Variants in HERC3 observed in about 807,000 individuals in gnomAD.
The protein encoded by HERC3 is probable E3 ubiquitin-protein ligase HERC3.
A neutral mutation model predicts 129.9 loss-of-function variants in HERC3; 58 were observed. The ratio of observed to expected loss-of-function variants is 0.45; its 90% CI spans 0.36 to 0.56. HERC3 has a LOEUF of 0.56. Ranked by LOEUF, HERC3 falls within the 20% of genes least tolerant of loss-of-function variation. The probability of loss-of-function intolerance (pLI) is 0.00; values close to 1 mark genes in which losing one functional copy is unlikely to be tolerated. For synonymous variants in HERC3, 430 were observed against 451.0 expected (o/e 0.95, Z 0.59); for missense variants, 835 against 1,244.2 (o/e 0.67, Z 4.95).
At chr4:88,561,096 G>A in the HERC3 span, among the ~76,000 whole-genome samples, 1 of 151,942 alleles carries the variant, frequency 6.6e-6, no homozygotes, top group Non-Finnish European at 1.5e-5. Flanking sequence ...TGAATTTTAG[G>A]GTTTTGTTTT....
At chr4:88,541,202 C>G in the HERC3 span, among the ~76,000 whole-genome samples, 1 of 152,020 alleles carries the variant, frequency 6.6e-6, no homozygotes, top group Non-Finnish European at 1.5e-5. Context: ...ACCTATCTCA[C>G]GTGCAGAGAC....
chr4:88,623,352 A>T (rs1168658745), intron 3 of HERC3, among the ~76,000 whole-genome samples: 1 of 152,098 alleles, frequency 6.6e-6, no homozygotes, highest in Non-Finnish European at 1.5e-5. Context: ...TGGTTTGATT[A>T]CTCATCCTCT....
the HERC3 span, among the ~76,000 whole-genome samples, chr4:88,584,268 TA>T: frequency 6.6e-6 from 1 of 152,312 alleles, no homozygotes; most frequent in East Asian, 1.9e-4. Context: ...TATTTCCAAA[TA>T]AGTGCACATT....
In HERC3 at chr4:88,655,244, T is replaced by C. The variant is rs1729753825; in HGVS notation, c.848T>C (p.Val283Ala). Residue 283 changes from valine to alanine, a missense_variant, in exon 8 of 26, where the codon GTT (valine) becomes GCT (alanine). Transcript: ENST00000402738. ...QLGHDSMNDE[V>A]NPRRVLELMG... The stretch of plus-strand genomic sequence containing the variant: ...GGACACGACTCCATGAATGATGAGG[T>C]TAACCCTAGAAGAGTTCTAGAGCTG... 1 of 1,613,998 alleles carries C rather than the reference T, an allele frequency of 6.2e-7. No homozygotes were observed. The highest frequency in any genetic ancestry group is 1.1e-5 in the South Asian group (1 of 91,082).
chr4:88,677,090 G>A (rs539440083), intron 18 of HERC3, among the ~76,000 whole-genome samples: 1 of 152,014 alleles, frequency 6.6e-6, no homozygotes, highest in African/African-American at 2.4e-5. Context: ...AGCCGAGATT[G>A]CGCCACTGCA....
At chr4:88,544,803 C>T in the HERC3 span, among the ~76,000 whole-genome samples, 1 of 151,944 alleles carries the variant, frequency 6.6e-6, no homozygotes, top group South Asian at 2.1e-4. Context: ...TCATTCTCAG[C>T]TAACTATCAC....
intron 23 of HERC3, among the ~76,000 whole-genome samples, chr4:88,688,957 A>G (rs927340900): frequency 3.9e-5 from 6 of 152,150 alleles, no homozygotes; most frequent in Non-Finnish European, 1.5e-5. Context: ...GGGGTGGGAA[A>G]GGTGAGAGAA....
At chr4:88,584,474 C>T in the HERC3 span, among the ~76,000 whole-genome samples, 4 of 152,266 alleles carry the variant, frequency 2.6e-5, no homozygotes, top group Non-Finnish European at 4.4e-5. Flanking sequence ...CTACTGCTAC[C>T]GTTTGAATGT....
At chr4:88,675,336 A>G (rs972068101) in intron 16 of HERC3, among the ~76,000 whole-genome samples, 2 of 152,214 alleles carry the variant, frequency 1.3e-5, no homozygotes, top group African/African-American at 4.8e-5. Context: ...CGATTAAATA[A>G]TAACATGATG....
At chr4:88,701,459 T>G (rs906246444) in intron 23 of HERC3, among the ~76,000 whole-genome samples, 1 of 152,196 alleles carries the variant, frequency 6.6e-6, no homozygotes, top group Non-Finnish European at 1.5e-5. Flanking sequence ...TGTAGCTTTA[T>G]GAAGTATTAA....
At chr4:88,649,793 C>A (rs1024043414) in intron 3 of HERC3, 47 bp from the exon 4 acceptor site, 1 of 1,554,884 alleles carries the variant, frequency 6.4e-7, no homozygotes, top group Non-Finnish European at 8.8e-7. Context: ...TAGCAGTATT[C>A]CTGTTTCTGG....
chr4:88,573,939 A>G, the HERC3 span, among the ~76,000 whole-genome samples: 1 of 152,338 alleles, frequency 6.6e-6, no homozygotes, highest in East Asian at 1.9e-4. Flanking sequence ...CAGAAATGGA[A>G]TGATCCTTCC....
chr4:88,681,933 G>A (rs1732823398), intron 21 of HERC3, among the ~76,000 whole-genome samples: 2 of 152,136 alleles, frequency 1.3e-5, no homozygotes, highest in African/African-American at 4.8e-5. Flanking sequence ...AATGTAATTT[G>A]CGCCCATCAG....
the HERC3 span, among the ~76,000 whole-genome samples, chr4:88,583,046 C>T: frequency 6.6e-6 from 1 of 152,102 alleles, no homozygotes; most frequent in East Asian, 1.9e-4. Context: ...TCAGCAGACT[C>T]AATTACAGAA....
At chr4:88,579,232 A>AAAATATATATATATAT in the HERC3 span, among the ~76,000 whole-genome samples, 5 of 104,094 alleles carry the variant, frequency 4.8e-5, no homozygotes, top group African/African-American at 3.1e-4. Context: ...AAAAAAAAAA[A>AAAATATATATATATAT]ATATATATAT....
chr4:88,535,885 A>T, the HERC3 span, among the ~76,000 whole-genome samples: 2 of 152,266 alleles, frequency 1.3e-5, no homozygotes, highest in Non-Finnish European at 2.9e-5. Context: ...ATTACAGAGT[A>T]GAAATAATGC....
intron 23 of HERC3, chr4:88,697,700 C>T: frequency 1.2e-6 from 2 of 1,612,248 alleles, no homozygotes; most frequent in East Asian, 2.2e-5. Flanking sequence ...GCTGCCTCCG[C>T]CGCTGCCGCC....
intron 3 of HERC3, among the ~76,000 whole-genome samples, chr4:88,640,963 G>GATTGATATTTATCGAACATTCTATCC (rs1165922034): frequency 6.6e-6 from 1 of 152,164 alleles, no homozygotes; most frequent in Non-Finnish European, 1.5e-5. Context: ...GACTAGATAT[G>GATTGATATTTATCGAACATTCTATCC]ATTGATATTT....
chr4:88,548,818 G>A, the HERC3 span, among the ~76,000 whole-genome samples: 3 of 151,798 alleles, frequency 2.0e-5, no homozygotes, highest in African/African-American at 4.8e-5. Flanking sequence ...ACACCACCAC[G>A]CCTGGCTAAT....
Sources: allele counts gnomAD v4.1 joint callset (sites outside exome capture counted in the v4.1 genomes callset), GRCh38; gene constraint gnomAD v4.1.1; transcripts MANE v1.5; gene names NCBI Gene and HGNC (gene_info 2026-07-23, HGNC 2026-07-21).